The following SLC22A23 variants were observed in gnomAD, a reference collection of about 807,000 sequenced individuals.
SLC22A23 encodes solute carrier family 22 member 23.
SLC22A23 carries 26 observed loss-of-function variants against 61.0 expected under a neutral mutation model. That is an observed-to-expected ratio of 0.43 (90% CI 0.31 to 0.59). The LOEUF is 0.59. SLC22A23 is among the 20% of genes least tolerant of loss of function. SLC22A23 has a pLI of 0.11. For synonymous variants in SLC22A23, 430 were observed against 413.9 expected, an observed-to-expected ratio of 1.04 and a Z score of -0.47; for missense variants, 796 against 934.7, an observed-to-expected ratio of 0.85 and a Z score of 1.94.
chr6:3,319,921 G>C (rs1762852492), intron 4 of SLC22A23, among the ~76,000 whole-genome samples: 1 of 152,196 alleles, frequency 6.6e-6, no homozygotes, highest in Non-Finnish European at 1.5e-5. Flanking sequence ...ATTTCTTTGG[G>C]TGAATCTTCT....
chr6:3,408,841 T>G (rs1018766326), intron 3 of SLC22A23, among the ~76,000 whole-genome samples: 1 of 152,190 alleles, frequency 6.6e-6, no homozygotes, highest in African/African-American at 2.4e-5. Context: ...GCCCTCCCCC[T>G]GTGAGAATGG....
chr6:3,289,981 C>CT (rs35568219), intron 5 of SLC22A23, 115 bp from the exon 6 acceptor site: 9,241 of 445,226 alleles, frequency 0.021, 9 homozygotes, highest in East Asian at 0.023. Flanking sequence ...GAGAGAGAAG[C>CT]TTTTTTTTTT....
At chr6:3,361,223 G>A (rs936676511) in intron 3 of SLC22A23, among the ~76,000 whole-genome samples, 13 of 151,342 alleles carry the variant, frequency 8.6e-5, no homozygotes, top group East Asian at 3.9e-4. Context: ...AGAGGGAAAC[G>A]TGCTTCAATA....
rs942248542 is a variant in SLC22A23 at position 3,318,788 on chromosome 6, A to G, written c.1082+5046T>C. ...CACCACAGTAGGATAGCAGGACAGG[A>G]CTTCAGCCTCCAGCCCTCCTGAGCT... is the stretch of plus-strand genomic sequence containing the variant. On this transcript the variant is annotated intron_variant, in intron 4 of 9. Transcript: ENST00000406686. The surrounding 1 kb of genome is among the most constrained non-coding windows in gnomAD (Gnocchi z 4.3). Among the ~76,000 whole-genome samples, 1 of 152,104 alleles carries G rather than the reference A, an allele frequency of 6.6e-6. No individual in the cohort carries two copies. The highest frequency in any genetic ancestry group is 2.4e-5 in the African/African-American group (1 of 41,410).
chr6:3,410,007 G>T lies in SLC22A23; in HGVS notation c.913+181C>A, dbSNP rs1769107375. On this transcript the variant is annotated intron_variant, in intron 3 of 9. Coordinates refer to ENST00000406686, the MANE Select transcript of SLC22A23 (RefSeq NM_015482.2). This position sits in a 1 kb window ranked among gnomAD's most constrained non-coding sequence, Gnocchi z 5.0. ...CCCGAGCTGGAGATCAGGATTGAGT[G>T]AAATGTTTCACGGCATCACCTGAAA... Among the ~76,000 whole-genome samples the T allele has an allele frequency of 6.6e-6, 1 of 152,172 alleles. No individual in the cohort carries two copies.
chr6:3,287,593 C>T (rs1048706647), intron 6 of SLC22A23, among the ~76,000 whole-genome samples: 10 of 152,022 alleles, frequency 6.6e-5, no homozygotes, highest in Admixed American at 1.3e-4. Flanking sequence ...CTATCCATAC[C>T]AGCCTCAACT....
rs1038714336 is a variant in SLC22A23, at chr6:3,387,391, G to A, written c.913+22797C>T. 9.9e-5 allele frequency among the ~76,000 whole-genome samples: 15 copies of A among 152,136 alleles called. No homozygotes were observed. The highest frequency in any genetic ancestry group is 4.1e-4 in the South Asian group (2 of 4,826). ...GGGGCATTCTGCAAAATACCAACCCGTTACACCACTGTCCTCATCACAGTG... is the reference window on the plus strand; with the variant it reads ...GGGGCATTCTGCAAAATACCAACCCATTACACCACTGTCCTCATCACAGTG... On this transcript the variant is annotated intron_variant, in intron 3 of 9. Transcript: ENST00000406686. The surrounding 1 kb of genome is among the most constrained non-coding windows in gnomAD (Gnocchi z 5.0).
At chr6:3,331,906 T>A (rs1450503314) in intron 3 of SLC22A23, among the ~76,000 whole-genome samples, 1 of 152,148 alleles carries the variant, frequency 6.6e-6, no homozygotes, top group Non-Finnish European at 1.5e-5. Context: ...CGGGACAGGG[T>A]GGCTTTAAGG....
intron 3 of SLC22A23, among the ~76,000 whole-genome samples, chr6:3,409,844 T>G (rs1417548857): frequency 6.6e-6 from 1 of 152,218 alleles, no homozygotes. Flanking sequence ...TACCCAATTA[T>G]GCACCAGATA....
At chr6:3,361,055 CCCA>C (rs146987283) in intron 3 of SLC22A23, among the ~76,000 whole-genome samples, 51,108 of 143,798 alleles carry the variant, frequency 0.36, 8,637 homozygotes, top group Middle Eastern at 0.42. Context: ...TCTATTTCTA[CCCA>C]CCCCCCCCAT....
At chr6:3,280,648 A>C (rs1296361134) in intron 9 of SLC22A23, among the ~76,000 whole-genome samples, 3 of 151,546 alleles carry the variant, frequency 2.0e-5, no homozygotes, top group Admixed American at 6.6e-5. Flanking sequence ...GGCGCCCGCC[A>C]CCACGCCCGG....
At chr6:3,336,020 T>C (rs1320252817) in intron 3 of SLC22A23, among the ~76,000 whole-genome samples, 1 of 148,786 alleles carries the variant, frequency 6.7e-6, no homozygotes, top group African/African-American at 2.5e-5. Flanking sequence ...ACCCAGGAGG[T>C]GGAGCTTGCA....
At chr6:3,396,942 A>C (rs1227989235) in intron 3 of SLC22A23, among the ~76,000 whole-genome samples, 1 of 152,218 alleles carries the variant, frequency 6.6e-6, no homozygotes, top group African/African-American at 2.4e-5. Flanking sequence ...CCTTGCAATA[A>C]GGCAGGGGTC....
In SLC22A23 at chr6:3,309,745, AG is replaced by A; in HGVS notation, c.1083-11528del. On this transcript the variant is annotated intron_variant, in intron 4 of 9. Transcript: ENST00000406686. This position sits in a 1 kb window ranked among gnomAD's most constrained non-coding sequence, Gnocchi z 4.7. Reference sequence around the variant, plus strand: ...GTCACACAGAAGTACCTGCTGCCACAGGGATGGCTCTCCAATCACTCACCAG... The same window carrying A: ...GTCACACAGAAGTACCTGCTGCCACAGGATGGCTCTCCAATCACTCACCAG... Among the ~76,000 whole-genome samples, 1 of 152,364 alleles carries A rather than the reference AG, an allele frequency of 6.6e-6. No homozygotes were observed. The highest frequency in any genetic ancestry group is 1.5e-5 in the Non-Finnish European group (1 of 68,036).
In SLC22A23 at chr6:3,410,507, G is replaced by A. The variant is rs968145613; in HGVS notation, c.759-165C>T. On this transcript the variant is annotated intron_variant, in intron 2 of 9. Transcript: ENST00000406686. The surrounding 1 kb of genome is among the most constrained non-coding windows in gnomAD (Gnocchi z 5.0). The stretch of plus-strand genomic sequence containing the variant: ...TTCACTAGATCCTAGGCTACTATGG[G>A]TAAAAAGGGAGATTTAGCCCAACCC... 6.6e-6 allele frequency among the ~76,000 whole-genome samples: 1 copy of A among 152,116 alleles called. No homozygotes were observed. Among genetic ancestry groups the A allele is most frequent in the African/African-American group, 2.4e-5 (1 of 41,416 alleles).
At chr6:3,319,637 T>C (rs4959810) in intron 4 of SLC22A23, among the ~76,000 whole-genome samples, 121,276 of 152,094 alleles carry the variant, frequency 0.8, 48,692 homozygotes, top group Non-Finnish European at 0.84. Flanking sequence ...TTTCAGATTC[T>C]TCTATTTTCT....
intron 4 of SLC22A23, chr6:3,312,856 T>C (rs889378070): frequency 6.6e-6 from 1 of 152,284 alleles, no homozygotes; most frequent in South Asian, 2.1e-4. Flanking sequence ...TGTGCACACA[T>C]GCACACACAG....
chr6:3,419,302 G>A (rs775088980), intron 1 of SLC22A23, among the ~76,000 whole-genome samples: 7 of 152,004 alleles, frequency 4.6e-5, no homozygotes, highest in Non-Finnish European at 1.0e-4. Flanking sequence ...CAGACACCCC[G>A]ATTTATAGGG....
intron 1 of SLC22A23, among the ~76,000 whole-genome samples, chr6:3,432,708 G>C (rs906883666): frequency 6.6e-6 from 1 of 152,194 alleles, no homozygotes; most frequent in Non-Finnish European, 1.5e-5. Flanking sequence ...AGAGTGGCTG[G>C]CAAACTTGAA....
Sources: gnomAD v4.1 joint callset for allele counts (sites outside exome capture counted in the v4.1 genomes callset) on GRCh38, gnomAD v4.1.1 for gene constraint, Gnocchi (gnomAD v3.1) non-coding constraint, MANE v1.5 for transcripts, NCBI Gene and HGNC (gene_info 2026-07-23, HGNC 2026-07-21) for gene names.